Variants in MYO18B observed in about 807,000 individuals in gnomAD.
MYO18B encodes unconventional myosin-XVIIIb.
Under a neutral mutation model 273.0 loss-of-function variants are expected in MYO18B, and 204 were observed. That is an observed-to-expected ratio of 0.75 (90% CI 0.67 to 0.84). MYO18B has a LOEUF of 0.84. Among genes scored for constraint, MYO18B ranks in the 40% least tolerant of loss-of-function variants. The pLI is 0.00. For missense variants in MYO18B, 3,212 were observed against 3,287.6 expected, an observed-to-expected ratio of 0.98 and a Z score of 0.56; for synonymous variants, 1,330 against 1,305.7, an observed-to-expected ratio of 1.02 and a Z score of -0.40.
At chr22:25,798,671 C>G (rs146806961) in intron 12 of MYO18B, among the ~76,000 whole-genome samples, 4 of 152,060 alleles carry the variant, frequency 2.6e-5, no homozygotes, top group South Asian at 2.1e-4. Context: ...GCAATCCTCC[C>G]GCCTCAGCCT....
chr22:25,789,602 C>T (rs547607339), intron 11 of MYO18B, among the ~76,000 whole-genome samples: 7 of 150,716 alleles, frequency 4.6e-5, no homozygotes, highest in Non-Finnish European at 8.8e-5. Context: ...CACCACTGCA[C>T]CCCAGCCTAA....
rs560773761 is a variant in MYO18B at position 25,956,839 on chromosome 22, A to G, written c.6156+1475A>G. Among the ~76,000 whole-genome samples, 12 of 152,242 alleles carry G rather than the reference A, an allele frequency of 7.9e-5. No individual in the cohort carries two copies. In the South Asian group the frequency reaches 2.3e-3, roughly 29 times the overall value. ...TCTGGTGCTGTGAGAGGTCTTACCA[A>G]CTTGTTCTTCCTGCAGCAAATATAT... is the stretch of plus-strand genomic sequence containing the variant. On this transcript the variant is annotated intron_variant, in intron 39 of 43. Transcript: ENST00000335473.
chr22:25,954,868 C>T (rs534256492), intron 38 of MYO18B, among the ~76,000 whole-genome samples: 3 of 152,152 alleles, frequency 2.0e-5, no homozygotes, highest in Non-Finnish European at 4.4e-5. Flanking sequence ...TGCGCCACCA[C>T]GCCCGGCTAA....
chr22:25,971,337 T>C (rs943877817), intron 39 of MYO18B, among the ~76,000 whole-genome samples: 106 of 152,340 alleles, frequency 7.0e-4, no homozygotes, highest in African/African-American at 2.4e-3. Flanking sequence ...CAGGCACCTG[T>C]CCTCTTTGAG....
chr22:25,814,701 T>G (rs2088926701), intron 12 of MYO18B, among the ~76,000 whole-genome samples: 1 of 152,150 alleles, frequency 6.6e-6, no homozygotes, highest in South Asian at 2.1e-4. Flanking sequence ...GGACTCATCA[T>G]TCAGAGACAA....
At chr22:25,907,517 A>C (rs1360310692) in intron 31 of MYO18B, among the ~76,000 whole-genome samples, 1 of 152,210 alleles carries the variant, frequency 6.6e-6, no homozygotes, top group Non-Finnish European at 1.5e-5. Context: ...TCATCATTTA[A>C]TTCTCATAGT....
At chr22:25,990,686 CAAAAAAAAAAAAAAA>C (rs745998234) in intron 39 of MYO18B, among the ~76,000 whole-genome samples, 5 of 27,012 alleles carry the variant, frequency 1.9e-4, no homozygotes, top group African/African-American at 2.6e-4. Context: ...GACTTTGTCT[CAAAAAAAAAAAAAAA>C]AAAAAAAAAA....
intron 39 of MYO18B, among the ~76,000 whole-genome samples, chr22:25,959,570 G>A (rs1442610338): frequency 1.3e-5 from 2 of 152,054 alleles, no homozygotes; most frequent in East Asian, 3.9e-4. Context: ...CACCGCTCCT[G>A]GCCTGTCTTC....
chr22:25,950,517 G>GATGTGTGTGT (rs1403556981), intron 37 of MYO18B, 67 bp downstream of exon 37: 3,206 of 244,532 alleles, frequency 0.013, 1,043 homozygotes, highest in South Asian at 0.018. Context: ...GAACTAATAG[G>GATGTGTGTGT]ATGTGTGTGT....
intron 32 of MYO18B, among the ~76,000 whole-genome samples, chr22:25,910,376 C>A (rs1204333965): frequency 6.6e-6 from 1 of 152,082 alleles, no homozygotes; most frequent in Non-Finnish European, 1.5e-5. Context: ...GCACTCACCC[C>A]ACCATGAAAG....
chr22:25,950,514 T>C (rs1196362547), intron 37 of MYO18B, 64 bp downstream of exon 37: 21 of 379,118 alleles, frequency 5.5e-5, no homozygotes, highest in Non-Finnish European at 4.7e-5. Context: ...ACAGAACTAA[T>C]AGGATGTGTG....
chr22:25,927,136 T>A (rs1015389432), intron 34 of MYO18B, among the ~76,000 whole-genome samples: 3 of 152,154 alleles, frequency 2.0e-5, no homozygotes, highest in African/African-American at 7.2e-5. Context: ...GCTTGAGCAA[T>A]ATGAAATGTG....
chr22:25,799,464 G>T (rs530863939), intron 12 of MYO18B, among the ~76,000 whole-genome samples: 1 of 152,126 alleles, frequency 6.6e-6, no homozygotes, highest in South Asian at 2.1e-4. Flanking sequence ...ATTGTATTAT[G>T]ATTGTGACTT....
chr22:25,887,195 A>T (rs2091525783), intron 25 of MYO18B, among the ~76,000 whole-genome samples: 1 of 152,116 alleles, frequency 6.6e-6, no homozygotes. Flanking sequence ...TGTCTCTCTG[A>T]CTGGCCAGTG....
chr22:25,909,822 G>C lies in MYO18B; in HGVS notation c.5260-1124G>C, dbSNP rs573772777. 5.7e-4 allele frequency among the ~76,000 whole-genome samples: 87 copies of C among 152,304 alleles called. No individual in the cohort carries two copies. In the South Asian group the frequency reaches 0.018, roughly 31 times the overall value. ...AGGAAATCAATAGTTAGTGACCTGG[G>C]TGGGAATGCTGGGGCTGTCTGGGGT... On this transcript the variant is annotated intron_variant, in intron 32 of 43. Transcript: ENST00000335473.
At chr22:25,923,209 A>G (rs1197861477) in intron 34 of MYO18B, among the ~76,000 whole-genome samples, 1 of 152,220 alleles carries the variant, frequency 6.6e-6, no homozygotes. Flanking sequence ...AGACACTGGG[A>G]GGGCCCTTCC....
chr22:25,829,022 T>G, intron 15 of MYO18B, 54 bp downstream of exon 15: 1 of 1,577,478 alleles, frequency 6.3e-7, no homozygotes, highest in African/African-American at 1.3e-5. Flanking sequence ...TGGTGTAAGG[T>G]CAGATGGGAA....
chr22:25,982,164 C>T (rs1321008129), intron 39 of MYO18B, among the ~76,000 whole-genome samples: 5 of 152,180 alleles, frequency 3.3e-5, no homozygotes, highest in East Asian at 1.9e-4. Context: ...CCCACCAGGC[C>T]GGCCCCTCTT....
Position 25,845,961 on chromosome 22 carries a change from G to A in MYO18B, c.3369-139G>A, listed in dbSNP as rs2072011. The A allele has an allele frequency of 0.39, 270,497 of 702,416 alleles. 55,117 individuals are homozygous for A. Among genetic ancestry groups the A allele is most frequent in the East Asian group, 0.69 (21,534 of 31,256 alleles). 43.5% of individuals were successfully genotyped at this position (702,416 alleles called of 1,614,324 possible). A position where few individuals can be genotyped will look rare whatever the true frequency, so the allele number is the denominator to read the frequency against. On this transcript the variant is annotated intron_variant, in intron 18 of 43. Coordinates refer to ENST00000335473, the MANE Select transcript of MYO18B (RefSeq NM_032608.7). ...GGGCTGTGAATGAAGGGGAGCAGCT[G>A]GGACACATGACTGTAGAGGAGGCTT...
Sources: allele counts gnomAD v4.1 joint callset (sites outside exome capture counted in the v4.1 genomes callset), GRCh38; gene constraint gnomAD v4.1.1; transcripts MANE v1.5; gene names NCBI Gene and HGNC (gene_info 2026-07-23, HGNC 2026-07-21).